Variants in IKBIP observed in about 807,000 individuals in gnomAD.
IKBIP encodes the protein inhibitor of nuclear factor kappa-B kinase-interacting protein.
In IKBIP, 28 loss-of-function variants were observed where a neutral mutation model predicts 31.0. That is an observed-to-expected ratio of 0.90 (90% CI 0.67 to 1.24). The LOEUF is 1.24. Among genes scored for constraint, IKBIP ranks in the 50% most tolerant of loss-of-function variants. The pLI, the probability that IKBIP is intolerant of heterozygous loss-of-function variation, is 0.00. For synonymous variants in IKBIP, 164 were observed against 160.3 expected (o/e 1.02, Z -0.17); for missense variants, 453 against 441.9 (o/e 1.03, Z -0.23).
In IKBIP at chr12:98,634,430, A is replaced by C. The variant is rs1448679010; in HGVS notation, c.180-17T>G. ...AATACAAACCTGGAAAAGAAAAGAA[A>C]AATCACTATTCTCCAATTCATATCC... On this transcript the variant is annotated splice_polypyrimidine_tract_variant and intron_variant, in intron 1 of 2. Coordinates refer to ENST00000299157, the MANE Select transcript of IKBIP (RefSeq NM_153687.4). 3.2e-6 allele frequency: 4 copies of C among 1,233,288 alleles called. No homozygotes were observed. In the South Asian group the frequency reaches 3.7e-5, roughly 11 times the overall value. The allele number at this position is 1,233,288 out of a possible 1,614,324, so 76.4% of individuals were successfully genotyped here. A position where few individuals can be genotyped will look rare whatever the true frequency, so the allele number is the denominator to read the frequency against.
chr12:98,624,849 G>C lies in IKBIP; in HGVS notation c.*1081C>G, dbSNP rs1401109754. 1.6e-6 allele frequency: 1 copy of C among 637,660 alleles called. No homozygotes were observed. The highest frequency in any genetic ancestry group is 2.0e-5 in the African/African-American group (1 of 50,356). The allele number at this position is 637,660 out of a possible 1,614,324, so 39.5% of individuals were successfully genotyped here. A position where few individuals can be genotyped will look rare whatever the true frequency, so the allele number is the denominator to read the frequency against. On this transcript the variant is annotated 3_prime_UTR_variant, in exon 3 of 3. Coordinates refer to ENST00000299157, the MANE Select transcript of IKBIP (RefSeq NM_153687.4). ...AGACAGAGTCTCACTTTGCCACTCA[G>C]GCTGGAGTGCAGTGGCGCGATCTCG...
At chr12:98,620,289 A>G (rs1221834687), downstream of IKBIP, among the ~76,000 whole-genome samples, 1 of 151,920 alleles carries the variant, frequency 6.6e-6, no homozygotes, top group Non-Finnish European at 1.5e-5. Flanking sequence ...AATGTTAAAC[A>G]TTGCCTGGAT....
chr12:98,614,256 C>T (rs371010228), exon 3 of IKBIP: 2 of 1,611,710 alleles, frequency 1.2e-6, no homozygotes, highest in Non-Finnish European at 1.7e-6. Flanking sequence ...GTTTTTACCT[C>T]ATTAATTTCT....
intron 2 of IKBIP, among the ~76,000 whole-genome samples, chr12:98,616,481 T>C (rs1186188156): frequency 6.6e-6 from 1 of 152,222 alleles, no homozygotes; most frequent in Non-Finnish European, 1.5e-5. Flanking sequence ...ACAGAAGATT[T>C]TAGTTTGACA....
intron 1 of IKBIP, among the ~76,000 whole-genome samples, chr12:98,643,818 T>TTTTTTTTTTTTTTTTCCTTTTC (rs1565846320): frequency 1.1e-4 from 4 of 35,668 alleles, no homozygotes; most frequent in Non-Finnish European, 2.2e-4. Context: ...TATGGTTTTC[T>TTTTTTTTTTTTTTTTCCTTTTC]TTTTTTTTTT....
chr12:98,613,728 G>A (rs779172001), exon 3 of IKBIP: 41 of 1,612,294 alleles, frequency 2.5e-5, no homozygotes, highest in Non-Finnish European at 3.2e-5. Flanking sequence ...CTCCCAATGC[G>A]TAGTGTTAAA....
chr12:98,618,422 C>T (rs757297580), intron 2 of IKBIP, among the ~76,000 whole-genome samples: 7 of 150,550 alleles, frequency 4.6e-5, no homozygotes, highest in Non-Finnish European at 7.4e-5. Flanking sequence ...GTCAAGAGAT[C>T]GAGACCATCC....
At chr12:98,639,142 G>C (rs2097628382) in intron 1 of IKBIP, among the ~76,000 whole-genome samples, 1 of 152,174 alleles carries the variant, frequency 6.6e-6, no homozygotes, top group East Asian at 1.9e-4. Flanking sequence ...CTGGGTTCAA[G>C]TGATTCTTCT....
Position 98,624,486 on chromosome 12 carries a change from A to T in IKBIP, c.*1444T>A. ...TTTGGGGGTTCTCCAAAAACTTGCA[A>T]ATTTACATATTAAAACTACTTGACC... On this transcript the variant is annotated 3_prime_UTR_variant, in exon 3 of 3. Coordinates refer to ENST00000299157, the MANE Select transcript of IKBIP (RefSeq NM_153687.4). 1.0e-5 allele frequency: 10 copies of T among 985,274 alleles called. No homozygotes were observed. Among genetic ancestry groups the T allele is most frequent in the Non-Finnish European group, 1.2e-5 (10 of 829,854 alleles). 61.0% of individuals were successfully genotyped at this position (985,274 alleles called of 1,614,324 possible).
rs71432181 is a variant in IKBIP, at chr12:98,633,510, C to CTTTTTTTTT, written c.297+777_297+785dup. 6.5e-4 allele frequency among the ~76,000 whole-genome samples: 40 copies of CTTTTTTTTT among 61,394 alleles called. 1 individual carries two copies. Among genetic ancestry groups the CTTTTTTTTT allele is most frequent in the South Asian group, 3.2e-3 (4 of 1,246 alleles). 40.3% of individuals were successfully genotyped at this position (61,394 alleles called of 152,430 possible). On this transcript the variant is annotated intron_variant, in intron 2 of 2. Transcript: ENST00000299157. ...GCTAGCCGTTCTTTTTTTTTTAATTCTTTTTTTTTTTTTTTTTTTTTTTTG... is the reference window on the plus strand; with the variant it reads ...GCTAGCCGTTCTTTTTTTTTTAATTCTTTTTTTTTTTTTTTTTTTTTTTTTTTTTTTTTG...
At position 98,644,517 on chromosome 12, in the gene IKBIP, ACTTAC is replaced by A. The variant is rs2097636223; in HGVS notation, c.179+1_179+5del. On this transcript the variant is annotated splice_donor_variant and splice_donor_5th_base_variant and intron_variant, in intron 1 of 2. Transcript: ENST00000299157. LOFTEE classifies it high-confidence loss of function. Reference sequence around the variant, plus strand: ...GGCCGGCCCAGGCAGCCTCGCGTCCACTTACCAGGCCAGGCCCAGGCACGTCCCCA... The same window carrying A: ...GGCCGGCCCAGGCAGCCTCGCGTCCACAGGCCAGGCCCAGGCACGTCCCCA... The A allele has an allele frequency of 1.3e-6, 2 of 1,588,744 alleles. No individual in the cohort carries two copies. The highest frequency in any genetic ancestry group is 2.7e-5 in the African/African-American group (2 of 73,814).
At chr12:98,613,918 G>A in exon 3 of IKBIP, 1 of 1,613,570 alleles carries the variant, frequency 6.2e-7, no homozygotes, top group East Asian at 2.2e-5. Flanking sequence ...TCTTAACAGA[G>A]TTAATTCTTT....
chr12:98,619,542 A>G (rs2097608422), downstream of IKBIP, among the ~76,000 whole-genome samples: 1 of 152,220 alleles, frequency 6.6e-6, no homozygotes, highest in Non-Finnish European at 1.5e-5. Context: ...AGTTATTTTA[A>G]AAATTACTTC....
chr12:98,627,112 G>C (rs553489291), intron 2 of IKBIP, among the ~76,000 whole-genome samples: 2 of 151,946 alleles, frequency 1.3e-5, no homozygotes, highest in African/African-American at 4.8e-5. Flanking sequence ...GGGATTACAG[G>C]TACGCGCCAC....
In IKBIP at chr12:98,625,903, T is replaced by C. The variant is rs2097613744; in HGVS notation, c.*27A>G. On this transcript the variant is annotated 3_prime_UTR_variant, in exon 3 of 3. Transcript: ENST00000299157. ...ACTAATCAATTTATGTATAATGATATGGTTCATCAGAATAAATGTCATGAA... is the reference window on the plus strand; with the variant it reads ...ACTAATCAATTTATGTATAATGATACGGTTCATCAGAATAAATGTCATGAA... 1 of 1,366,940 alleles carries C rather than the reference T, an allele frequency of 7.3e-7. No homozygotes were observed. Among genetic ancestry groups the C allele is most frequent in the Non-Finnish European group, 9.7e-7 (1 of 1,035,568 alleles). The allele number at this position is 1,366,940 out of a possible 1,614,324, so 84.7% of individuals were successfully genotyped here.
At chr12:98,643,739 G>A (rs1455851926) in intron 1 of IKBIP, among the ~76,000 whole-genome samples, 1 of 151,820 alleles carries the variant, frequency 6.6e-6, no homozygotes, top group Non-Finnish European at 1.5e-5. Context: ...ATGCATGCAC[G>A]GTGATCAAAA....
At chr12:98,620,093 ATTT>A (rs772601870), downstream of IKBIP, among the ~76,000 whole-genome samples, 2 of 95,056 alleles carry the variant, frequency 2.1e-5, no homozygotes, top group Non-Finnish European at 2.2e-5. Flanking sequence ...TAAGTTTTCT[ATTT>A]TTTTTTTTTT....
intron 1 of IKBIP, among the ~76,000 whole-genome samples, chr12:98,637,031 CATT>C (rs1273728980): frequency 2.0e-5 from 3 of 152,078 alleles, no homozygotes; most frequent in Non-Finnish European, 2.9e-5. Flanking sequence ...AGAATGAAAT[CATT>C]ATTATAAGAG....
Position 98,625,774 on chromosome 12 carries a change from G to T in IKBIP, c.*156C>A. 2 of 496,050 alleles carry T rather than the reference G, an allele frequency of 4.0e-6. No individual in the cohort carries two copies. Among genetic ancestry groups the T allele is most frequent in the Non-Finnish European group, 6.3e-6 (2 of 315,892 alleles). 30.7% of individuals were successfully genotyped at this position (496,050 alleles called of 1,614,324 possible). A position where few individuals can be genotyped will look rare whatever the true frequency, so the allele number is the denominator to read the frequency against. The stretch of plus-strand genomic sequence containing the variant: ...TGAAGTAAGTTTTAGTGCTTAAAAA[G>T]ATAAGCTTTGATTATGTGGATAATC... On this transcript the variant is annotated 3_prime_UTR_variant, in exon 3 of 3. Coordinates refer to ENST00000299157, the MANE Select transcript of IKBIP (RefSeq NM_153687.4).
Sources: gnomAD v4.1 joint callset for allele counts (sites outside exome capture counted in the v4.1 genomes callset) on GRCh38, gnomAD v4.1.1 for gene constraint, MANE v1.5 for transcripts, NCBI Gene and HGNC (gene_info 2026-07-23, HGNC 2026-07-21) for gene names.